Variants in OSBP2 observed in about 807,000 individuals in gnomAD.
OSBP2 encodes the protein oxysterol-binding protein 2.
Under a neutral mutation model 96.0 loss-of-function variants are expected in OSBP2, and 66 were observed. The ratio of observed to expected loss-of-function variants is 0.69; its 90% CI spans 0.56 to 0.84. OSBP2 has a LOEUF of 0.84. Among genes scored for constraint, OSBP2 ranks in the 40% least tolerant of loss-of-function variants. The pLI is 0.00. For missense variants in OSBP2, 1,038 were observed against 1,222.7 expected (o/e 0.85, Z 2.25); for synonymous variants, 525 against 520.9 (o/e 1.01, Z -0.11).
intron 12 of OSBP2, among the ~76,000 whole-genome samples, chr22:30,904,723 G>A (rs1306713777): frequency 6.6e-6 from 1 of 152,122 alleles, no homozygotes; most frequent in Non-Finnish European, 1.5e-5. Context: ...TCAATCACAT[G>A]GAACGTGTGC....
intron 1 of OSBP2, among the ~76,000 whole-genome samples, chr22:30,738,090 T>C (rs1057289130): frequency 3.3e-5 from 5 of 151,668 alleles, no homozygotes; most frequent in African/African-American, 1.2e-4. Flanking sequence ...TTTTTTTTTT[T>C]CAACTCCAGA....
chr22:30,830,097 C>T (rs1462610120), intron 2 of OSBP2, among the ~76,000 whole-genome samples: 3 of 152,118 alleles, frequency 2.0e-5, no homozygotes, highest in Admixed American at 6.5e-5. Context: ...CTGTAGGGCC[C>T]GGCCCTGCCC....
In OSBP2 at chr22:30,694,947, G is replaced by A; in HGVS notation, c.38G>A (p.Cys13Tyr). ...GCGGCTCCGAGCCGAGGCGGCGGCT[G>A]TGGCGGCCGCTCCCGCGGGCTCTCG... ...KAAAPSRGGG[C>Y]GGRSRGLSSL... Residue 13 changes from cysteine to tyrosine, a missense_variant, in exon 1 of 14, where the codon TGT (cysteine) becomes TAT (tyrosine). Around this residue, in one of 3 missense-constraint regions of OSBP2, gnomAD observed 20 missense variants for 36.0 expected, o/e 0.55. Transcript: ENST00000332585. 1 of 1,475,700 alleles carries A rather than the reference G, an allele frequency of 6.8e-7. No individual in the cohort carries two copies. Among genetic ancestry groups the A allele is most frequent in the Non-Finnish European group, 8.9e-7 (1 of 1,122,228 alleles). 91.4% of individuals were successfully genotyped at this position (1,475,700 alleles called of 1,614,324 possible).
At chr22:30,848,850 G>A (rs532319904) in intron 2 of OSBP2, among the ~76,000 whole-genome samples, 1 of 152,280 alleles carries the variant, frequency 6.6e-6, no homozygotes, top group South Asian at 2.1e-4. Flanking sequence ...GGGCTGCTAT[G>A]AGCCATAAAA....
intron 2 of OSBP2, among the ~76,000 whole-genome samples, chr22:30,864,749 G>A (rs1427280186): frequency 2.0e-5 from 3 of 152,178 alleles, no homozygotes; most frequent in Admixed American, 2.0e-4. Flanking sequence ...AGCACTGGGT[G>A]TGGGTGCAGT....
At chr22:30,710,858 G>A (rs1242998831) in intron 1 of OSBP2, among the ~76,000 whole-genome samples, 1 of 151,908 alleles carries the variant, frequency 6.6e-6, no homozygotes, top group Non-Finnish European at 1.5e-5. Flanking sequence ...TGATGTGCCT[G>A]CCTCGGCCTC....
intron 3 of OSBP2, among the ~76,000 whole-genome samples, chr22:30,882,714 G>A (rs1054224387): frequency 5.3e-5 from 8 of 152,188 alleles, no homozygotes; most frequent in African/African-American, 1.9e-4. Flanking sequence ...AGATGAGGCT[G>A]GAGAGGATTG....
At chr22:30,833,655 C>T (rs1447785985) in intron 2 of OSBP2, among the ~76,000 whole-genome samples, 1 of 152,174 alleles carries the variant, frequency 6.6e-6, no homozygotes, top group Non-Finnish European at 1.5e-5. Flanking sequence ...GATTTAATAG[C>T]ATTTTAAATT....
rs143327151 is a variant in OSBP2, at chr22:30,757,292, C to T, written c.853+15923C>T. 5.8e-3 allele frequency among the ~76,000 whole-genome samples: 883 copies of T among 152,286 alleles called. 7 individuals carry two copies. The highest frequency in any genetic ancestry group is 0.02 in the African/African-American group (832 of 41,562). ...TCTGCCATTACACGCTCCCTGCGTC[C>T]CCCCTGCCATATGAATCCCAAATGA... On this transcript the variant is annotated intron_variant, in intron 2 of 13. Transcript: ENST00000332585.
intron 3 of OSBP2, among the ~76,000 whole-genome samples, chr22:30,882,758 C>T (rs1009548803): frequency 4.6e-5 from 7 of 152,142 alleles, no homozygotes; most frequent in African/African-American, 9.7e-5. Flanking sequence ...ATCAGCTGCC[C>T]GGATCTGTGG....
intron 1 of OSBP2, among the ~76,000 whole-genome samples, chr22:30,708,772 AGCCACCGT>A (rs2089297768): frequency 1.3e-5 from 2 of 150,800 alleles, no homozygotes; most frequent in Admixed American, 1.3e-4. Flanking sequence ...AACAGGCGTG[AGCCACCGT>A]GCCCGGCCAA....
rs2039860605 is a variant in OSBP2, at chr22:30,888,239, C to T, written c.1317C>T (p.Pro439=). 2 of 1,610,960 alleles carry T rather than the reference C, an allele frequency of 1.2e-6. No homozygotes were observed. The highest frequency in any genetic ancestry group is 2.2e-5 in the East Asian group (1 of 44,850). The change falls in exon 5 of 14, where the codon CCC becomes CCT. Residue 439 remains proline (P), a synonymous_variant. Transcript: ENST00000332585. ...KSFIEGSLLT[P]KGEDSEEDED... ...TGTCTCTAGGAAGCCTCTTGACTCC[C>T]AAAGGAGAGGACAGTGAGGAAGATG...
chr22:30,741,242 T>C lies in OSBP2; in HGVS notation c.726T>C (p.Gly242=). 1 of 1,614,106 alleles carries C rather than the reference T, an allele frequency of 6.2e-7. No individual in the cohort carries two copies. Among genetic ancestry groups the C allele is most frequent in the Non-Finnish European group, 8.5e-7 (1 of 1,180,032 alleles). Residue 242 remains glycine, a synonymous_variant, in exon 2 of 14, where the codon GGT becomes GGC. Transcript: ENST00000332585. ...ACATTGACACGGAGGACTCTTGTGG[T>C]ATCTTGCTGACCAGTGGGGCCAGGA... ...TAHIDTEDSC[G]ILLTSGARSY...
chr22:30,736,009 G>T (rs1437387401), intron 1 of OSBP2, among the ~76,000 whole-genome samples: 1 of 152,018 alleles, frequency 6.6e-6, no homozygotes, highest in Non-Finnish European at 1.5e-5. Context: ...TGCCTCCCAG[G>T]TTCAAGTGAT....
chr22:30,822,466 G>A (rs1364053732), intron 2 of OSBP2: 2 of 1,199,516 alleles, frequency 1.7e-6, no homozygotes, highest in East Asian at 3.1e-5. Flanking sequence ...CTCATGTACC[G>A]GGTGGCGGGC....
At chr22:30,699,115 G>A (rs549682889) in intron 1 of OSBP2, among the ~76,000 whole-genome samples, 2 of 151,784 alleles carry the variant, frequency 1.3e-5, no homozygotes, top group African/African-American at 4.8e-5. Flanking sequence ...CTAATTTTTT[G>A]TGTGTTTTTA....
chr22:30,835,239 A>G (rs1166558144), intron 2 of OSBP2, among the ~76,000 whole-genome samples: 1 of 151,944 alleles, frequency 6.6e-6, no homozygotes, highest in Non-Finnish European at 1.5e-5. Context: ...ATTCAAGAAG[A>G]TTTACTTCTG....
intron 2 of OSBP2, among the ~76,000 whole-genome samples, chr22:30,777,075 C>T (rs1396476944): frequency 6.6e-6 from 1 of 152,204 alleles, no homozygotes; most frequent in Non-Finnish European, 1.5e-5. Context: ...ATTTTACAGG[C>T]TTATAAGCAG....
chr22:30,805,289 T>C (rs563522777), intron 2 of OSBP2, among the ~76,000 whole-genome samples: 1 of 152,344 alleles, frequency 6.6e-6, no homozygotes, highest in Non-Finnish European at 1.5e-5. Context: ...AACAAAGATG[T>C]AGTGATGACT....
Sources: allele counts gnomAD v4.1 joint callset (sites outside exome capture counted in the v4.1 genomes callset), GRCh38; gene constraint gnomAD v4.1.1; regional missense constraint gnomAD v4.1.1; transcripts MANE v1.5; gene names NCBI Gene and HGNC (gene_info 2026-07-23, HGNC 2026-07-21).